The following SOX5 variants were observed in gnomAD, a reference collection of about 807,000 sequenced individuals.
The protein encoded by SOX5 is SRY-box transcription factor 5, also known as transcription factor SOX-5.
Under a neutral mutation model 92.0 loss-of-function variants are expected in SOX5, and 9 were observed. The observed-to-expected ratio is 0.10, with a 90% CI of 0.06 to 0.17. SOX5 has a LOEUF of 0.17. Among genes scored for constraint, SOX5 ranks in the 10% least tolerant of loss-of-function variants. The pLI is 1.00. For synonymous variants in SOX5, 344 were observed against 336.3 expected, an observed-to-expected ratio of 1.02 and a Z score of -0.25; for missense variants, 642 against 944.5, an observed-to-expected ratio of 0.68 and a Z score of 4.20.
chr12:23,605,563 T>C (rs567479408), intron 8 of SOX5, among the ~76,000 whole-genome samples: 2 of 151,624 alleles, frequency 1.3e-5, no homozygotes, highest in South Asian at 2.1e-4. Context: ...GCGTTTACAA[T>C]GCAAGCTAGA....
chr12:23,949,553 A>G lies in SOX5; in HGVS notation c.38+11T>C. ...TACTTCAATATATTAGGGGGAAAAA[A>G]CTGTACTCACCTTTCAAACTCCTGA... On this transcript the variant is annotated intron_variant, in intron 1 of 14. Coordinates refer to ENST00000451604, the MANE Select transcript of SOX5 (RefSeq NM_006940.6). The G allele has an allele frequency of 6.2e-7, 1 of 1,613,572 alleles. No homozygotes were observed. Among genetic ancestry groups the G allele is most frequent in the South Asian group, 1.1e-5 (1 of 91,064 alleles).
At chr12:24,231,834 G>A (rs1242420875) in intron 3 of SOX5, among the ~76,000 whole-genome samples, 1 of 152,100 alleles carries the variant, frequency 6.6e-6, no homozygotes, top group Non-Finnish European at 1.5e-5. Context: ...ACTTCATAGG[G>A]CTGTTTTGAG....
intron 4 of SOX5, among the ~76,000 whole-genome samples, chr12:24,100,314 A>G (rs1035331730): frequency 1.2e-4 from 19 of 152,002 alleles, no homozygotes; most frequent in Non-Finnish European, 1.6e-4. Context: ...CTCTTTCTTA[A>G]ATTTACTTAC....
chr12:23,686,653 T>C (rs1345883493), intron 6 of SOX5, among the ~76,000 whole-genome samples: 1 of 152,128 alleles, frequency 6.6e-6, no homozygotes, highest in African/African-American at 2.4e-5. Context: ...CCTTTCTATA[T>C]CCTATTACAT....
chr12:24,114,573 C>CGAA (rs1947762260), intron 4 of SOX5, among the ~76,000 whole-genome samples: 1 of 40,592 alleles, frequency 2.5e-5, no homozygotes, highest in African/African-American at 9.5e-5. Context: ...CACCCCGTCA[C>CGAA]AAAAAAAAAA....
intron 4 of SOX5, among the ~76,000 whole-genome samples, chr12:23,970,818 A>G (rs1444861390): frequency 1.7e-5 from 1 of 59,244 alleles, no homozygotes; most frequent in African/African-American, 4.9e-5. Context: ...GCTAGGTCAC[A>G]TGGGACTTTA....
rs371913716 is a variant in SOX5, at chr12:24,470,715, G to T, written c.-251+91614C>A. Among the ~76,000 whole-genome samples the T allele has an allele frequency of 1.5e-3, 234 of 152,282 alleles. 1 individual carries two copies. Among genetic ancestry groups the T allele is most frequent in the African/African-American group, 5.6e-3 (231 of 41,558 alleles). On this transcript the variant is annotated intron_variant, in intron 1 of 4. Transcript: ENST00000446891. ...GTGTTGTGGAAAGTACTTGGACTCAGAATATTCTGTGTTCAAATCTCACTC... is the reference window on the plus strand; with the variant it reads ...GTGTTGTGGAAAGTACTTGGACTCATAATATTCTGTGTTCAAATCTCACTC...
At chr12:24,355,426 G>GC (rs1954715321) in intron 2 of SOX5, among the ~76,000 whole-genome samples, 1 of 149,112 alleles carries the variant, frequency 6.7e-6, no homozygotes, top group Admixed American at 6.8e-5. Flanking sequence ...TCCTGCCTCA[G>GC]CCGGTGAGGG....
At chr12:23,575,897 A>G in intron 9 of SOX5, 59 bp from the exon 10 acceptor site, 1 of 1,341,680 alleles carries the variant, frequency 7.5e-7, no homozygotes. Flanking sequence ...AAATGCCTAG[A>G]AAAACACAGG....
chr12:23,838,805 A>C (rs954956499), intron 3 of SOX5, among the ~76,000 whole-genome samples: 2 of 129,452 alleles, frequency 1.5e-5, no homozygotes, highest in Non-Finnish European at 3.1e-5. Flanking sequence ...TTCTTACTAG[A>C]TATTACCCTT....
Position 24,532,023 on chromosome 12 carries a change from T to A in SOX5, c.-251+30306A>T, listed in dbSNP as rs574922388. ...ATAAAAGTTGGACAAAATGGTCAAC[T>A]TTGTACGTAAGCCTAATGAAAGCAA... On this transcript the variant is annotated intron_variant, in intron 1 of 4. Transcript: ENST00000446891. Among the ~76,000 whole-genome samples, 8 of 152,314 alleles carry A rather than the reference T, an allele frequency of 5.3e-5. No homozygotes were observed. In the East Asian group the frequency reaches 1.2e-3, roughly 22 times the overall value.
At chr12:24,175,421 T>C (rs1197987321) in intron 4 of SOX5, among the ~76,000 whole-genome samples, 2 of 152,218 alleles carry the variant, frequency 1.3e-5, no homozygotes, top group African/African-American at 4.8e-5. Context: ...TCTCAGAAGC[T>C]CTGTTTCCAC....
chr12:23,539,577 G>GACTA (rs1443025997), intron 13 of SOX5, among the ~76,000 whole-genome samples: 1 of 139,890 alleles, frequency 7.1e-6, no homozygotes, highest in Non-Finnish European at 1.5e-5. Flanking sequence ...AGAGGAGTTA[G>GACTA]ACTAACTTAA....
At chr12:24,500,517 C>A (rs1948090599) in intron 1 of SOX5, among the ~76,000 whole-genome samples, 2 of 152,054 alleles carry the variant, frequency 1.3e-5, no homozygotes, top group Admixed American at 1.3e-4. Flanking sequence ...AAAACACACC[C>A]CAAAAGAGTT....
At chr12:23,874,386 C>T (rs1050452763) in intron 2 of SOX5, among the ~76,000 whole-genome samples, 2 of 151,996 alleles carry the variant, frequency 1.3e-5, no homozygotes, top group Non-Finnish European at 2.9e-5. Context: ...TCAAGTTTAG[C>T]GACGCACCAT....
intron 3 of SOX5, among the ~76,000 whole-genome samples, chr12:24,266,095 G>A (rs975951820): frequency 5.4e-5 from 8 of 148,212 alleles, no homozygotes; most frequent in Non-Finnish European, 1.0e-4. Flanking sequence ...TTTTATTTTG[G>A]TGGAGATGGG....
At chr12:24,385,436 A>G (rs1958279789) in intron 1 of SOX5, among the ~76,000 whole-genome samples, 1 of 152,188 alleles carries the variant, frequency 6.6e-6, no homozygotes. Context: ...ACTTAACAGT[A>G]TTTTCAATTT....
chr12:24,181,645 G>A (rs2139287532), intron 4 of SOX5, among the ~76,000 whole-genome samples: 1 of 152,252 alleles, frequency 6.6e-6, no homozygotes, highest in South Asian at 2.1e-4. Context: ...AAACCCAGAA[G>A]CATGCCTGGC....
intron 3 of SOX5, among the ~76,000 whole-genome samples, chr12:24,216,581 G>T (rs920572395): frequency 1.5e-4 from 23 of 152,266 alleles, no homozygotes; most frequent in African/African-American, 5.3e-4. Context: ...ATTGAGTTTA[G>T]TCACATGGCC....
Sources: gnomAD v4.1 joint callset for allele counts (sites outside exome capture counted in the v4.1 genomes callset) on GRCh38, gnomAD v4.1.1 for gene constraint, MANE v1.5 for transcripts, NCBI Gene and HGNC (gene_info 2026-07-23, HGNC 2026-07-21) for gene names.